The following ST6GALNAC5 variants were observed in gnomAD, a reference collection of about 807,000 sequenced individuals.
ST6GALNAC5 encodes alpha-N-acetylgalactosaminide alpha-2,6-sialyltransferase 5.
In ST6GALNAC5, 27 loss-of-function variants were observed where a neutral mutation model predicts 33.6. That is an observed-to-expected ratio of 0.80 (90% CI 0.59 to 1.11). The LOEUF (loss-of-function observed/expected upper bound fraction) is 1.11. Ranked by LOEUF, ST6GALNAC5 falls within the 50% of genes least tolerant of loss-of-function variation. The pLI is 0.00. For synonymous variants in ST6GALNAC5, 194 were observed against 171.2 expected, an observed-to-expected ratio of 1.13 and a Z score of -1.04; for missense variants, 428 against 454.0, an observed-to-expected ratio of 0.94 and a Z score of 0.52.
At chr1:77,032,225 C>A (rs7540333) in intron 2 of ST6GALNAC5, among the ~76,000 whole-genome samples, 16,799 of 151,980 alleles carry the variant, frequency 0.11, 1,054 homozygotes, top group Admixed American at 0.16. Context: ...GGCAGTGTGG[C>A]TGGAGTAGAG....
At chr1:76,952,060 T>C (rs1570702276) in intron 2 of ST6GALNAC5, among the ~76,000 whole-genome samples, 1 of 152,172 alleles carries the variant, frequency 6.6e-6, no homozygotes, top group African/African-American at 2.4e-5. Context: ...CATGATGTAA[T>C]GTCTACAAAC....
chr1:76,956,805 C>A (rs1648013448), intron 2 of ST6GALNAC5, among the ~76,000 whole-genome samples: 1 of 152,116 alleles, frequency 6.6e-6, no homozygotes, highest in Non-Finnish European at 1.5e-5. Flanking sequence ...CACATACAAT[C>A]TTTAGCATAG....
chr1:76,894,595 GA>G (rs1258298120), intron 2 of ST6GALNAC5, among the ~76,000 whole-genome samples: 3 of 152,050 alleles, frequency 2.0e-5, no homozygotes, highest in South Asian at 2.1e-4. Flanking sequence ...CACAGTCAAA[GA>G]AAAAAACCTT....
intron 2 of ST6GALNAC5, among the ~76,000 whole-genome samples, chr1:77,008,698 T>C (rs1462540829): frequency 6.6e-6 from 1 of 152,032 alleles, no homozygotes; most frequent in Admixed American, 6.5e-5. Flanking sequence ...CCCGGTTAAT[T>C]TTTGTATTTT....
chr1:76,924,752 A>C (rs992032162), intron 2 of ST6GALNAC5, among the ~76,000 whole-genome samples: 1 of 152,128 alleles, frequency 6.6e-6, no homozygotes, highest in African/African-American at 2.4e-5. Context: ...GGTAACCAAA[A>C]GCTTCCAAGA....
chr1:76,961,922 C>T (rs1272975711), intron 2 of ST6GALNAC5, among the ~76,000 whole-genome samples: 1 of 152,152 alleles, frequency 6.6e-6, no homozygotes, highest in Non-Finnish European at 1.5e-5. Flanking sequence ...TTTTTGCCAA[C>T]CATTGAAATC....
At chr1:76,994,793 GT>G (rs1397707648) in intron 2 of ST6GALNAC5, among the ~76,000 whole-genome samples, 5 of 152,168 alleles carry the variant, frequency 3.3e-5, no homozygotes, top group Non-Finnish European at 7.4e-5. Flanking sequence ...ATTTTTTGCT[GT>G]CCTCTTGTCC....
At chr1:77,011,889 A>G (rs6656549) in intron 2 of ST6GALNAC5, among the ~76,000 whole-genome samples, 27,373 of 152,126 alleles carry the variant, frequency 0.18, 2,972 homozygotes, top group South Asian at 0.3. Flanking sequence ...ATTGTTCTGA[A>G]TGCTTTTACA....
rs780985587 is a variant in ST6GALNAC5 at position 76,969,384 on chromosome 1, C to A, written c.262-74820C>A. ...CACACCAGGAGATTATATCCCATGC[C>A]GGGTTCAGCAAGTCCCACTCCCATG... On this transcript the variant is annotated intron_variant, in intron 2 of 4. Coordinates refer to ENST00000477717, the MANE Select transcript of ST6GALNAC5 (RefSeq NM_030965.3). Among the ~76,000 whole-genome samples, 19 of 152,182 alleles carry A rather than the reference C, an allele frequency of 1.2e-4. 1 individual carries two copies. The highest frequency in any genetic ancestry group is 3.4e-4 in the African/African-American group (14 of 41,454).
rs542581119 is a variant in ST6GALNAC5 at position 77,041,034 on chromosome 1, C to T, written c.262-3170C>T. Among the ~76,000 whole-genome samples the T allele has an allele frequency of 4.6e-5, 7 of 152,324 alleles. No individual in the cohort carries two copies. In the South Asian group the frequency reaches 6.2e-4, roughly 14 times the overall value. ...AGCTGTGGTCTCTACTTCCTCAATC[C>T]GACCACGATCACACTCTTGTCACTT... is the stretch of plus-strand genomic sequence containing the variant. On this transcript the variant is annotated intron_variant, in intron 2 of 4. Coordinates refer to ENST00000477717, the MANE Select transcript of ST6GALNAC5 (RefSeq NM_030965.3).
At chr1:77,036,822 C>T (rs1651661631) in intron 2 of ST6GALNAC5, among the ~76,000 whole-genome samples, 1 of 152,224 alleles carries the variant, frequency 6.6e-6, no homozygotes, top group Admixed American at 6.5e-5. Flanking sequence ...TTTCGGGGAG[C>T]TTAAACGTGT....
At chr1:77,037,351 G>A (rs1651680682) in intron 2 of ST6GALNAC5, among the ~76,000 whole-genome samples, 1 of 152,110 alleles carries the variant, frequency 6.6e-6, no homozygotes, top group South Asian at 2.1e-4. Context: ...CTAAGCATTG[G>A]GTGTTCATGG....
intron 3 of ST6GALNAC5, among the ~76,000 whole-genome samples, chr1:77,049,402 G>T (rs775973651): frequency 3.3e-5 from 5 of 152,260 alleles, no homozygotes; most frequent in Non-Finnish European, 5.9e-5. Context: ...AACCCCCGAA[G>T]AATTGAAATT....
chr1:76,895,417 T>C (rs1226325811), intron 2 of ST6GALNAC5, among the ~76,000 whole-genome samples: 1 of 151,916 alleles, frequency 6.6e-6, no homozygotes, highest in East Asian at 1.9e-4. Flanking sequence ...TAAGGGGTGA[T>C]ATTGTGGGGT....
chr1:76,991,058 C>G (rs1649706306), intron 2 of ST6GALNAC5, among the ~76,000 whole-genome samples: 1 of 152,050 alleles, frequency 6.6e-6, no homozygotes, highest in Non-Finnish European at 1.5e-5. Flanking sequence ...TCAGCTCCTG[C>G]CAGTGCTTCT....
At chr1:76,989,634 G>T (rs1187681527) in intron 2 of ST6GALNAC5, among the ~76,000 whole-genome samples, 1 of 152,132 alleles carries the variant, frequency 6.6e-6, no homozygotes, top group South Asian at 2.1e-4. Flanking sequence ...CTTGAGGCAG[G>T]ACCAGGTCAG....
chr1:76,891,440 T>C (rs1241149973), intron 2 of ST6GALNAC5, among the ~76,000 whole-genome samples: 1 of 152,182 alleles, frequency 6.6e-6, no homozygotes, highest in Non-Finnish European at 1.5e-5. Flanking sequence ...TTTATTGGAT[T>C]GTTTTTATTT....
intron 2 of ST6GALNAC5, among the ~76,000 whole-genome samples, chr1:76,992,609 C>T (rs909435115): frequency 6.6e-6 from 1 of 152,208 alleles, no homozygotes; most frequent in Non-Finnish European, 1.5e-5. Flanking sequence ...GTCCTGCCAC[C>T]TCAGCCTCCC....
intron 2 of ST6GALNAC5, among the ~76,000 whole-genome samples, chr1:77,009,294 T>C (rs1033370612): frequency 1.3e-5 from 2 of 152,026 alleles, no homozygotes; most frequent in Non-Finnish European, 2.9e-5. Context: ...GAGAGTTTGG[T>C]TGAGAGTAGA....
Sources: allele counts gnomAD v4.1 joint callset (sites outside exome capture counted in the v4.1 genomes callset), GRCh38; gene constraint gnomAD v4.1.1; transcripts MANE v1.5; gene names NCBI Gene and HGNC (gene_info 2026-07-23, HGNC 2026-07-21).